EYA1: variants seen among roughly 807,000 people sequenced by gnomAD.
EYA1 encodes protein phosphatase EYA1.
EYA1 carries 16 observed loss-of-function variants against 82.0 expected under a neutral mutation model. The observed-to-expected ratio is 0.20, with a 90% confidence interval of 0.13 to 0.30. EYA1 has a LOEUF of 0.30. Among genes scored for constraint, EYA1 ranks in the 10% least tolerant of loss-of-function variants. The probability of loss-of-function intolerance (pLI) is 1.00; values close to 1 mark genes in which losing one functional copy is unlikely to be tolerated. For missense variants in EYA1, 633 were observed against 730.7 expected (o/e 0.87, Z 1.54); for synonymous variants, 261 against 264.4 (o/e 0.99, Z 0.12).
At chr8:71,259,713 CAGAT>C (rs1251660513) in intron 11 of EYA1, among the ~76,000 whole-genome samples, 3 of 152,150 alleles carry the variant, frequency 2.0e-5, no homozygotes, top group African/African-American at 4.8e-5. Flanking sequence ...AGACTCAAAA[CAGAT>C]AGAAAGTTGA....
chr8:71,520,421 A>T (rs1473398721), intron 2 of EYA1, among the ~76,000 whole-genome samples: 1 of 152,186 alleles, frequency 6.6e-6, no homozygotes, highest in Non-Finnish European at 1.5e-5. Flanking sequence ...AAAAGAAAAT[A>T]AACTTCATTG....
At chr8:71,340,149 C>G (rs1035484489) in intron 3 of EYA1, among the ~76,000 whole-genome samples, 2 of 152,172 alleles carry the variant, frequency 1.3e-5, no homozygotes, top group Non-Finnish European at 2.9e-5. Flanking sequence ...TCGCTCCTGG[C>G]TGTAGGGTCT....
chr8:71,413,495 G>A (rs1049919354), intron 2 of EYA1, among the ~76,000 whole-genome samples: 2 of 152,186 alleles, frequency 1.3e-5, no homozygotes, highest in Non-Finnish European at 2.9e-5. Flanking sequence ...AGGATAAAAT[G>A]CCCATAAACA....
chr8:71,467,199 G>T (rs937931567), intron 2 of EYA1, among the ~76,000 whole-genome samples: 1 of 151,894 alleles, frequency 6.6e-6, no homozygotes, highest in Non-Finnish European at 1.5e-5. Context: ...AAAATAGATA[G>T]AATTTAAAAC....
At chr8:71,518,629 T>A (rs1034991124) in intron 2 of EYA1, among the ~76,000 whole-genome samples, 3 of 152,064 alleles carry the variant, frequency 2.0e-5, no homozygotes, top group Admixed American at 2.0e-4. Context: ...AGAAATAAAG[T>A]TTTACAACTT....
In EYA1 at chr8:71,505,909, A is replaced by G. The variant is rs181399227; in HGVS notation, c.33+29835T>C. ...TTAGATAATGGGGGTGGTTTCCCCA[A>G]CACTGTTCTCATGAGAGTGAGTTCT... On this transcript the variant is annotated intron_variant, in intron 2 of 18. Coordinates refer to the EYA1 transcript ENST00000643681. Among the ~76,000 whole-genome samples the G allele has an allele frequency of 1.1e-3, 166 of 152,114 alleles. No homozygotes were observed. The Middle Eastern group carries it at 0.014, about 12-fold the overall frequency.
intron 2 of EYA1, among the ~76,000 whole-genome samples, chr8:71,444,772 C>T (rs1377202753): frequency 1.3e-5 from 2 of 152,310 alleles, no homozygotes; most frequent in African/African-American, 2.4e-5. Flanking sequence ...CTCCTAACCA[C>T]TGAAGTTGGA....
At chr8:71,464,313 T>C (rs1808624756) in intron 2 of EYA1, among the ~76,000 whole-genome samples, 2 of 152,224 alleles carry the variant, frequency 1.3e-5, no homozygotes, top group African/African-American at 4.8e-5. Context: ...CATTAATGCT[T>C]TTCCTCCATG....
intron 4 of EYA1, among the ~76,000 whole-genome samples, chr8:71,332,897 ATCTC>A (rs1315944626): frequency 6.6e-6 from 1 of 152,030 alleles, no homozygotes; most frequent in Non-Finnish European, 1.5e-5. Flanking sequence ...TTTGTCCAGC[ATCTC>A]TCTCTCAGTG....
rs1822652918 is a variant in EYA1 at position 71,322,245 on chromosome 8, G to A, written c.226C>T (p.Pro76Ser). Residue 76 changes from proline to serine, a missense_variant, in exon 5 of 18, where the codon CCA becomes TCA. By Grantham distance (74) the Pro-to-Ser change is moderately conservative. Coordinates refer to ENST00000340726, the MANE Select transcript of EYA1 (RefSeq NM_000503.6). ...GGAGAGAACTGGTGAGTTGGTCGTG[G>A]GCTGAAACTACTGCTCCCAATTGCT... Reference protein sequence around the residue: ...GSAIGSSSFSPRPTHQFSPPQ... With the variant: ...GSAIGSSSFSSRPTHQFSPPQ... The A allele has an allele frequency of 6.2e-7, 1 of 1,613,840 alleles. No individual in the cohort carries two copies. The highest frequency in any genetic ancestry group is 1.3e-5 in the African/African-American group (1 of 74,890).
intron 2 of EYA1, among the ~76,000 whole-genome samples, chr8:71,455,637 A>C (rs981723088): frequency 1.3e-5 from 2 of 152,216 alleles, no homozygotes; most frequent in African/African-American, 2.4e-5. Context: ...CCAGCATATA[A>C]ACAGAATCAA....
At chr8:71,505,557 CTG>C (rs1812136311) in intron 2 of EYA1, among the ~76,000 whole-genome samples, 1 of 152,150 alleles carries the variant, frequency 6.6e-6, no homozygotes, top group Admixed American at 6.5e-5. Context: ...TCCAAAAAGA[CTG>C]TGAAAGTTAG....
intron 2 of EYA1, among the ~76,000 whole-genome samples, chr8:71,528,356 G>A (rs1403056966): frequency 6.6e-6 from 1 of 152,200 alleles, no homozygotes; most frequent in African/African-American, 2.4e-5. Context: ...TTTGGCCCTG[G>A]AAATATAAAC....
Position 71,415,732 on chromosome 8 carries a change from G to A in EYA1, c.34-59221C>T, listed in dbSNP as rs1227892412. ...TCTATAGACACGACTTGGCCCCAAA[G>A]AGGCATCACGGCTCCTGTGTTGCAT... On this transcript the variant is annotated intron_variant, in intron 2 of 18. Coordinates refer to the EYA1 transcript ENST00000643681. Among the ~76,000 whole-genome samples the A allele has an allele frequency of 2.6e-5, 4 of 152,184 alleles. No homozygotes were observed. In the East Asian group the frequency reaches 7.7e-4, roughly 29 times the overall value.
At chr8:71,227,935 C>T (rs1224677565) in intron 12 of EYA1, among the ~76,000 whole-genome samples, 1 of 152,090 alleles carries the variant, frequency 6.6e-6, no homozygotes, top group East Asian at 1.9e-4. Context: ...AGATAATTTT[C>T]TAATAGTAAG....
intron 11 of EYA1, among the ~76,000 whole-genome samples, chr8:71,261,368 G>A (rs934899699): frequency 2.0e-5 from 3 of 152,102 alleles, no homozygotes; most frequent in Non-Finnish European, 4.4e-5. Flanking sequence ...TTGGGAGTTG[G>A]ATGTGATTCT....
At chr8:71,420,905 G>A (rs1488342660) in intron 2 of EYA1, among the ~76,000 whole-genome samples, 1 of 152,064 alleles carries the variant, frequency 6.6e-6, no homozygotes, top group Non-Finnish European at 1.5e-5. Flanking sequence ...AGGTTTGTGG[G>A]TTTTTTCCTA....
At chr8:71,334,812 T>C (rs951121745) in intron 3 of EYA1, among the ~76,000 whole-genome samples, 1 of 152,242 alleles carries the variant, frequency 6.6e-6, no homozygotes, top group South Asian at 2.1e-4. Context: ...AAGTTTTCTA[T>C]TTCAAAACAG....
intron 2 of EYA1, among the ~76,000 whole-genome samples, chr8:71,377,535 C>A (rs1259629283): frequency 6.6e-6 from 1 of 152,174 alleles, no homozygotes; most frequent in Non-Finnish European, 1.5e-5. Context: ...GGACACATTT[C>A]TGCCTTTATC....
Sources: gnomAD v4.1 joint callset for allele counts (sites outside exome capture counted in the v4.1 genomes callset) on GRCh38, gnomAD v4.1.1 for gene constraint, MANE v1.5 for transcripts, NCBI Gene and HGNC (gene_info 2026-07-23, HGNC 2026-07-21) for gene names.